CENPC: variants seen among roughly 807,000 people sequenced by gnomAD.
CENPC encodes CENP-C 1.
A neutral mutation model predicts 112.1 loss-of-function variants in CENPC; 63 were observed. The ratio of observed to expected loss-of-function variants is 0.56; its 90% CI spans 0.46 to 0.69. The LOEUF (loss-of-function observed/expected upper bound fraction) is 0.69. Among genes scored for constraint, CENPC ranks in the 30% least tolerant of loss-of-function variants. CENPC has a pLI of 0.00. For missense variants in CENPC, 1,000 were observed against 1,103.8 expected (o/e 0.91, Z 1.33); for synonymous variants, 333 against 367.6 (o/e 0.91, Z 1.08).
At position 67,480,149 on chromosome 4, in the gene CENPC, G is replaced by A. The variant is rs537449966; in HGVS notation, c.2671-5171C>T. Among the ~76,000 whole-genome samples the A allele has an allele frequency of 1.7e-4, 26 of 152,144 alleles. No individual in the cohort carries two copies. In the South Asian group the frequency reaches 2.1e-3, roughly 12 times the overall value. ...AGGCTGGCCAACATGGCAAAACCCC[G>A]TCTCTACTAAAAATACAAAATTAGC... On this transcript the variant is annotated intron_variant, in intron 17 of 18. Transcript: ENST00000273853.
At chr4:67,491,464 TATATATATATATATATAGAGAG>T (rs1406503361) in intron 16 of CENPC, among the ~76,000 whole-genome samples, 4 of 66,370 alleles carry the variant, frequency 6.0e-5, no homozygotes, top group African/African-American at 2.1e-4. Flanking sequence ...TATATATATA[TATATATATATATATATAGAGAG>T]AGAGAGAGAG....
intron 17 of CENPC, among the ~76,000 whole-genome samples, chr4:67,475,911 T>C (rs1236368941): frequency 1.3e-5 from 2 of 152,238 alleles, no homozygotes; most frequent in East Asian, 1.9e-4. Context: ...GCCATTAAAT[T>C]TGTGATACAG....
At chr4:67,518,515 A>G (rs1000875338) in intron 6 of CENPC, 147 bp from the exon 7 acceptor site, 1 of 817,416 alleles carries the variant, frequency 1.2e-6, no homozygotes, top group Non-Finnish European at 1.7e-6. Context: ...TGATTTGTGC[A>G]TTCCAAATAC....
chr4:67,475,384 A>G (rs1724775530), intron 17 of CENPC, among the ~76,000 whole-genome samples: 1 of 152,224 alleles, frequency 6.6e-6, no homozygotes, highest in African/African-American at 2.4e-5. Context: ...CCAGTGAGGA[A>G]ATGGGAACCT....
At chr4:67,515,196 T>C (rs1339495941) in intron 7 of CENPC, among the ~76,000 whole-genome samples, 2 of 150,228 alleles carry the variant, frequency 1.3e-5, no homozygotes, top group Non-Finnish European at 2.9e-5. Context: ...CCGGATGTGG[T>C]GGCTCACGCC....
At chr4:67,491,522 G>GAA (rs1560423411) in intron 16 of CENPC, among the ~76,000 whole-genome samples, 2 of 143,544 alleles carry the variant, frequency 1.4e-5, no homozygotes, top group Non-Finnish European at 3.0e-5. Flanking sequence ...GAGAGAGAGA[G>GAA]AGAGAGCCTG....
In CENPC at chr4:67,518,386, G is replaced by C. The variant is rs757877507; in HGVS notation, c.618-18C>G. The C allele has an allele frequency of 6.6e-7, 1 of 1,505,702 alleles. No homozygotes were observed. Among genetic ancestry groups the C allele is most frequent in the Non-Finnish European group, 8.8e-7 (1 of 1,132,412 alleles). 93.3% of individuals were successfully genotyped at this position (1,505,702 alleles called of 1,614,324 possible). A position where few individuals can be genotyped will look rare whatever the true frequency, so the allele number is the denominator to read the frequency against. On this transcript the variant is annotated intron_variant, in intron 6 of 18. Coordinates refer to ENST00000273853, the MANE Select transcript of CENPC (RefSeq NM_001812.4). ...AGTTTAACCTAAAAGGTTAAAAGGA[G>C]GGTAAGCTGAATGCTCCCGTAACGT... is the stretch of plus-strand genomic sequence containing the variant.
chr4:67,526,329 G>C (rs1726376397), intron 5 of CENPC, among the ~76,000 whole-genome samples: 1 of 149,970 alleles, frequency 6.7e-6, no homozygotes, highest in African/African-American at 2.5e-5. Flanking sequence ...AGAACTTAAA[G>C]TAAAAAAAAT....
At chr4:67,539,788 A>G in intron 4 of CENPC, 52 bp downstream of exon 4, 1 of 932,870 alleles carries the variant, frequency 1.1e-6, no homozygotes, top group Non-Finnish European at 1.6e-6. Flanking sequence ...TATTGTGTAT[A>G]CCTTCATTCA....
intron 12 of CENPC, among the ~76,000 whole-genome samples, chr4:67,496,101 G>A (rs1725424623): frequency 6.6e-6 from 1 of 152,188 alleles, no homozygotes; most frequent in Non-Finnish European, 1.5e-5. Flanking sequence ...ACAATATGAA[G>A]ATTAACACAA....
At chr4:67,545,265 C>G (rs1726997642) in intron 1 of CENPC, 73 bp downstream of exon 1, 4 of 1,395,758 alleles carry the variant, frequency 2.9e-6, no homozygotes, top group Middle Eastern at 3.7e-4. Flanking sequence ...GCATTTCCTT[C>G]TCCCCAGCCT....
chr4:67,475,589 A>T (rs187690206), intron 17 of CENPC, among the ~76,000 whole-genome samples: 6 of 152,180 alleles, frequency 3.9e-5, no homozygotes, highest in Non-Finnish European at 8.8e-5. Context: ...TGAGATAGAT[A>T]ATACAAGAGT....
chr4:67,473,794 C>A (rs1724733112), intron 18 of CENPC, among the ~76,000 whole-genome samples: 1 of 152,242 alleles, frequency 6.6e-6, no homozygotes, highest in African/African-American at 2.4e-5. Flanking sequence ...TCAAGCCCTC[C>A]TCAGCCTCTC....
chr4:67,483,877 T>A (rs1190954073), intron 17 of CENPC, among the ~76,000 whole-genome samples: 2 of 151,296 alleles, frequency 1.3e-5, no homozygotes, highest in Non-Finnish European at 3.0e-5. Context: ...TACAAAAGAG[T>A]CCAAAAGTTA....
chr4:67,480,893 G>C (rs1203141012), intron 17 of CENPC, among the ~76,000 whole-genome samples: 1 of 152,164 alleles, frequency 6.6e-6, no homozygotes. Flanking sequence ...AGAGGACAAG[G>C]ATGCCCACTT....
chr4:67,525,199 T>C (rs1380233455), intron 5 of CENPC, among the ~76,000 whole-genome samples: 1 of 152,166 alleles, frequency 6.6e-6, no homozygotes, highest in Non-Finnish European at 1.5e-5. Context: ...AAGACTTAAA[T>C]TTAAGACCTA....
intron 18 of CENPC, among the ~76,000 whole-genome samples, chr4:67,472,942 A>G (rs1330632512): frequency 1.3e-5 from 2 of 152,254 alleles, no homozygotes; most frequent in African/African-American, 2.4e-5. Context: ...GTGTAAGAAA[A>G]GAAAATCTCT....
intron 17 of CENPC, among the ~76,000 whole-genome samples, chr4:67,484,985 C>T (rs1314903243): frequency 2.6e-5 from 4 of 152,026 alleles, no homozygotes; most frequent in Non-Finnish European, 4.4e-5. Context: ...CCCAGTTACT[C>T]GGGAGGCTGA....
intron 7 of CENPC, among the ~76,000 whole-genome samples, chr4:67,516,870 T>C (rs2109807699): frequency 6.6e-6 from 1 of 152,060 alleles, no homozygotes; most frequent in African/African-American, 2.4e-5. Context: ...AGGAAGAGCA[T>C]AAGTGGAAGC....
Sources: allele counts gnomAD v4.1 joint callset (sites outside exome capture counted in the v4.1 genomes callset), GRCh38; gene constraint gnomAD v4.1.1; transcripts MANE v1.5; gene names NCBI Gene and HGNC (gene_info 2026-07-23, HGNC 2026-07-21).